The following SCAF8 variants were observed in gnomAD, a reference collection of about 807,000 sequenced individuals.
SCAF8 encodes the protein SR-related and CTD-associated factor 8.
A neutral mutation model predicts 140.5 loss-of-function variants in SCAF8; 23 were observed. The observed-to-expected ratio is 0.16, with a 90% CI of 0.12 to 0.23. SCAF8 has a LOEUF of 0.23. Ranked by LOEUF, SCAF8 falls within the 10% of genes least tolerant of loss-of-function variation. The pLI, the probability that SCAF8 is intolerant of heterozygous loss-of-function variation, is 1.00. For synonymous variants in SCAF8, 575 were observed against 528.9 expected, an observed-to-expected ratio of 1.09 and a Z score of -1.20; for missense variants, 1,397 against 1,555.7, an observed-to-expected ratio of 0.90 and a Z score of 1.72.
chr6:154,800,022 G>C (rs1777725290), intron 6 of SCAF8, among the ~76,000 whole-genome samples: 1 of 151,242 alleles, frequency 6.6e-6, no homozygotes, highest in Non-Finnish European at 1.5e-5. Flanking sequence ...CTGACTTTAA[G>C]TGATCCGCCC....
rs554050279 is a variant in SCAF8, at chr6:154,820,359, G to A, written c.1792+26G>A. On this transcript the variant is annotated intron_variant, in intron 15 of 19. Transcript: ENST00000367178. ...GTAAGAATTCTAAGGTCTTTTTATT[G>A]TTAAAAAAAAGTATGCTTAGAAGGT... 2.2e-5 allele frequency: 34 copies of A among 1,578,112 alleles called. No homozygotes were observed. The South Asian group carries it at 3.8e-4, about 18-fold the overall frequency.
In SCAF8 at chr6:154,733,851, G is replaced by A; in HGVS notation, c.-50G>A. The A allele has an allele frequency of 6.5e-7, 1 of 1,542,360 alleles. No individual in the cohort carries two copies. Among genetic ancestry groups the A allele is most frequent in the Non-Finnish European group, 8.7e-7 (1 of 1,149,808 alleles). Reference sequence around the variant, plus strand: ...CGTCTCGCTCTCCCCACCCAGTGCAGTGGCCGCCGCCTCTTCCGCCGCCGG... The same window carrying A: ...CGTCTCGCTCTCCCCACCCAGTGCAATGGCCGCCGCCTCTTCCGCCGCCGG... On this transcript the variant is annotated 5_prime_UTR_variant, in exon 1 of 20. The change creates a new upstream start codon in the 5' untranslated region. Coordinates refer to ENST00000367178, the MANE Select transcript of SCAF8 (RefSeq NM_014892.5).
Position 154,784,681 on chromosome 6 carries a change from A to G in SCAF8, c.160-3180A>G, listed in dbSNP as rs540869783. On this transcript the variant is annotated intron_variant, in intron 3 of 19. Coordinates refer to ENST00000367178, the MANE Select transcript of SCAF8 (RefSeq NM_014892.5). ...GTAATCTAGAGCTGATTTAAAGTAGATGGGATGATGTCCGTAGGTTATATG... is the reference window on the plus strand; with the variant it reads ...GTAATCTAGAGCTGATTTAAAGTAGGTGGGATGATGTCCGTAGGTTATATG... 1.2e-4 allele frequency among the ~76,000 whole-genome samples: 19 copies of G among 152,284 alleles called. No homozygotes were observed. In the South Asian group the frequency reaches 3.7e-3, roughly 30 times the overall value.
At chr6:154,766,085 T>C (rs928949457) in intron 1 of SCAF8, among the ~76,000 whole-genome samples, 2 of 87,228 alleles carry the variant, frequency 2.3e-5, no homozygotes, top group African/African-American at 7.7e-5. Flanking sequence ...AAGAAAATGT[T>C]ATTAAGAAAA....
At position 154,796,381 on chromosome 6, in the gene SCAF8, C is replaced by CTGTCTG. The variant is rs1330541472; in HGVS notation, c.606+1243_606+1244insGTCTGT. 5.6e-5 allele frequency among the ~76,000 whole-genome samples: 6 copies of CTGTCTG among 106,982 alleles called. No homozygotes were observed. The East Asian group carries it at 1.0e-3, about 18-fold the overall frequency. 70.2% of individuals were successfully genotyped at this position (106,982 alleles called of 152,430 possible). A position where few individuals can be genotyped will look rare whatever the true frequency, so the allele number is the denominator to read the frequency against. The stretch of plus-strand genomic sequence containing the variant: ...TCTCTCTCTCTCTCTCTCTCTCTCT[C>CTGTCTG]TCTCTCTCTCTGTCTCTCTCTTTTT... On this transcript the variant is annotated intron_variant, in intron 6 of 19. Coordinates refer to ENST00000367178, the MANE Select transcript of SCAF8 (RefSeq NM_014892.5).
intron 1 of SCAF8, among the ~76,000 whole-genome samples, chr6:154,740,295 G>T (rs1778534709): frequency 6.6e-6 from 1 of 152,080 alleles, no homozygotes; most frequent in African/African-American, 2.4e-5. Flanking sequence ...CAGCATCCCT[G>T]GCCTCTATGC....
intron 3 of SCAF8, among the ~76,000 whole-genome samples, chr6:154,785,781 C>G (rs1777233827): frequency 6.6e-6 from 1 of 152,142 alleles, no homozygotes. Context: ...CAGATGACAA[C>G]TTGGATGACA....
intron 1 of SCAF8, among the ~76,000 whole-genome samples, chr6:154,771,261 G>T (rs1776759318): frequency 6.6e-6 from 1 of 152,158 alleles, no homozygotes; most frequent in East Asian, 1.9e-4. Flanking sequence ...GATCTGATTG[G>T]GGAGGTCGGG....
At chr6:154,807,540 C>G (rs1278196589) in intron 9 of SCAF8, among the ~76,000 whole-genome samples, 2 of 152,118 alleles carry the variant, frequency 1.3e-5, no homozygotes, top group Non-Finnish European at 2.9e-5. Context: ...CCACCGTGCC[C>G]TGCTAATTTT....
chr6:154,807,091 A>T (rs1319974298), intron 9 of SCAF8, among the ~76,000 whole-genome samples: 1 of 152,216 alleles, frequency 6.6e-6, no homozygotes, highest in South Asian at 2.1e-4. Flanking sequence ...TAGCAGAAGC[A>T]CTGTAATCGT....
chr6:154,818,998 C>T (rs1778335627), intron 14 of SCAF8, among the ~76,000 whole-genome samples: 1 of 152,052 alleles, frequency 6.6e-6, no homozygotes, highest in African/African-American at 2.4e-5. Flanking sequence ...TTTTTCTTGA[C>T]ATCTTTTTAA....
At chr6:154,786,729 A>T (rs955509910) in intron 3 of SCAF8, among the ~76,000 whole-genome samples, 4 of 152,176 alleles carry the variant, frequency 2.6e-5, no homozygotes, top group African/African-American at 9.7e-5. Context: ...TCAATTAGAG[A>T]GTCTTAGGAA....
chr6:154,800,564 T>C (rs1777743445), intron 6 of SCAF8, among the ~76,000 whole-genome samples: 1 of 151,538 alleles, frequency 6.6e-6, no homozygotes, highest in Non-Finnish European at 1.5e-5. Context: ...TCACATGATC[T>C]TAACAGTACT....
intron 14 of SCAF8, among the ~76,000 whole-genome samples, chr6:154,818,903 C>T (rs1230478918): frequency 3.3e-5 from 5 of 152,144 alleles, no homozygotes; most frequent in East Asian, 3.9e-4. Flanking sequence ...ATGAGTACAA[C>T]GTGTTCATTT....
chr6:154,774,096 T>C, intron 2 of SCAF8, 24 bp downstream of exon 2: 2 of 1,463,352 alleles, frequency 1.4e-6, no homozygotes, highest in Admixed American at 1.8e-5. Flanking sequence ...TTTACTCTTC[T>C]ATTTTCAAAA....
intron 17 of SCAF8, among the ~76,000 whole-genome samples, chr6:154,826,174 CTTTAT>C (rs923992186): frequency 3.9e-4 from 59 of 151,946 alleles, no homozygotes; most frequent in Admixed American, 8.5e-4. Flanking sequence ...ATTTTAATAA[CTTTAT>C]TTTAAATATT....
At chr6:154,803,931 C>CT (rs1777841298) in intron 8 of SCAF8, among the ~76,000 whole-genome samples, 1 of 151,996 alleles carries the variant, frequency 6.6e-6, no homozygotes. Context: ...GGTTGGAATA[C>CT]TAGGAATGAA....
intron 18 of SCAF8, among the ~76,000 whole-genome samples, chr6:154,827,544 C>T (rs908926317): frequency 6.6e-6 from 1 of 152,100 alleles, no homozygotes; most frequent in African/African-American, 2.4e-5. Context: ...CTGCCCCAGT[C>T]CTCCCTTCCT....
intron 19 of SCAF8, among the ~76,000 whole-genome samples, 153 bp downstream of exon 19, chr6:154,831,293 T>A (rs1476621396): frequency 6.6e-6 from 1 of 152,150 alleles, no homozygotes; most frequent in Non-Finnish European, 1.5e-5. Context: ...CTAAAATTTC[T>A]ATTTGAAAAA....
Sources: allele counts gnomAD v4.1 joint callset (sites outside exome capture counted in the v4.1 genomes callset), GRCh38; gene constraint gnomAD v4.1.1; transcripts MANE v1.5; gene names NCBI Gene and HGNC (gene_info 2026-07-23, HGNC 2026-07-21).